Variants in GINS1 observed in about 807,000 individuals in gnomAD.
GINS1 encodes GINS complex subunit 1, also known as DNA replication complex GINS protein PSF1.
In GINS1, 26 loss-of-function variants were observed where a neutral mutation model predicts 34.9. The observed-to-expected ratio is 0.74, with a 90% CI of 0.55 to 1.03. The LOEUF (loss-of-function observed/expected upper bound fraction) is 1.03. GINS1 is among the 50% of genes least tolerant of loss of function. GINS1 has a pLI of 0.00. For synonymous variants in GINS1, 97 were observed against 84.4 expected, an observed-to-expected ratio of 1.15 and a Z score of -0.82; for missense variants, 235 against 237.9, an observed-to-expected ratio of 0.99 and a Z score of 0.08.
At chr20:25,421,537 C>T (rs1007066581) in intron 4 of GINS1, among the ~76,000 whole-genome samples, 2 of 152,016 alleles carry the variant, frequency 1.3e-5, no homozygotes, top group African/African-American at 4.8e-5. Context: ...CTTTTGTTTT[C>T]AAAGTAGTAA....
Position 25,446,029 on chromosome 20 carries a change from T to C in GINS1, c.*38T>C, listed in dbSNP as rs751569555. ...GCACTTCCAGGCTTCACTCAACTCATGGACTCCTCTGTACTCACTCTCTCC... is the reference window on the plus strand; with the variant it reads ...GCACTTCCAGGCTTCACTCAACTCACGGACTCCTCTGTACTCACTCTCTCC... On this transcript the variant is annotated 3_prime_UTR_variant, in exon 7 of 7. Coordinates refer to ENST00000262460, the MANE Select transcript of GINS1 (RefSeq NM_021067.5). 1.5e-5 allele frequency: 18 copies of C among 1,173,616 alleles called. No individual in the cohort carries two copies. Among genetic ancestry groups the C allele is most frequent in the Non-Finnish European group, 2.0e-5 (16 of 785,948 alleles). The allele number at this position is 1,173,616 out of a possible 1,614,324, so 72.7% of individuals were successfully genotyped here. A position where few individuals can be genotyped will look rare whatever the true frequency, so the allele number is the denominator to read the frequency against.
At chr20:25,429,641 T>C (rs1291527609) in intron 5 of GINS1, among the ~76,000 whole-genome samples, 1 of 152,208 alleles carries the variant, frequency 6.6e-6, no homozygotes, top group Admixed American at 6.5e-5. Context: ...TGTATAGAAA[T>C]GCAACTGATT....
intron 5 of GINS1, among the ~76,000 whole-genome samples, chr20:25,425,756 A>T (rs1600931118): frequency 6.6e-6 from 1 of 152,162 alleles, no homozygotes; most frequent in Non-Finnish European, 1.5e-5. Context: ...AAAAAAAGCA[A>T]ATGTCTTTCA....
intron 1 of GINS1, 94 bp from the exon 2 acceptor site, chr20:25,413,694 GTA>G (rs1180071722): frequency 1.2e-5 from 9 of 770,178 alleles, no homozygotes; most frequent in Non-Finnish European, 2.1e-5. Flanking sequence ...TTTTGCTAAA[GTA>G]TATAAATGAA....
In GINS1 at chr20:25,410,858, C is replaced by T. The variant is rs550930685; in HGVS notation, c.76-2932C>T. On this transcript the variant is annotated intron_variant, in intron 1 of 6. Transcript: ENST00000262460. The stretch of plus-strand genomic sequence containing the variant: ...GATTATAGGCGTGAGCCACCGTGCC[C>T]GGCCCAACACACAGGCTTTTCTTCT... Among the ~76,000 whole-genome samples, 25 of 152,266 alleles carry T rather than the reference C, an allele frequency of 1.6e-4. 1 individual carries two copies. The East Asian group carries it at 2.3e-3, about 14-fold the overall frequency.
In GINS1 at chr20:25,413,888, C is replaced by A. The variant is rs182685837; in HGVS notation, c.140+34C>A. ...CATAAGATGATATTCTAAAACAATT[C>A]AATAATTAAGATGTTGAAATTGGCC... On this transcript the variant is annotated intron_variant, in intron 2 of 6. Transcript: ENST00000262460. 6.4e-4 allele frequency: 804 copies of A among 1,254,584 alleles called. 6 individuals are homozygous for A. The African/African-American group carries it at 0.011, about 17-fold the overall frequency. 77.7% of individuals were successfully genotyped at this position (1,254,584 alleles called of 1,614,324 possible). A position where few individuals can be genotyped will look rare whatever the true frequency, so the allele number is the denominator to read the frequency against.
At chr20:25,445,718 G>C (rs2090508486) in intron 6 of GINS1, among the ~76,000 whole-genome samples, 2 of 152,052 alleles carry the variant, frequency 1.3e-5, no homozygotes, top group Admixed American at 1.3e-4. Context: ...CCCGACCTCA[G>C]GTGATCCGCC....
chr20:25,407,837 C>T lies in GINS1; in HGVS notation c.17C>T (p.Ala6Val). 1 of 1,613,894 alleles carries T rather than the reference C, an allele frequency of 6.2e-7. No homozygotes were observed. Among genetic ancestry groups the T allele is most frequent in the African/African-American group, 1.3e-5 (1 of 75,070 alleles). Residue 6 changes from alanine to valine, a missense_variant, in exon 1 of 7, where the codon GCC becomes GTC. By Grantham distance (64) the Ala-to-Val change is moderately conservative. Transcript: ENST00000262460. MFCEK[A>V]MELIRELHRA... ...GCGTCCGCCATGTTCTGCGAAAAAG[C>T]CATGGAACTGATCCGCGAGCTGCAT...
chr20:25,437,514 T>C (rs1225431299), intron 5 of GINS1, among the ~76,000 whole-genome samples: 1 of 152,236 alleles, frequency 6.6e-6, no homozygotes, highest in East Asian at 1.9e-4. Flanking sequence ...TTCAGTAGAC[T>C]CCAGAGTTCC....
chr20:25,425,177 G>C (rs750957723), intron 4 of GINS1, 34 bp from the exon 5 acceptor site: 1 of 919,012 alleles, frequency 1.1e-6, no homozygotes, highest in Admixed American at 1.8e-5. Context: ...AGTTTTCTTA[G>C]AATTTTGTCA....
chr20:25,435,822 T>A (rs2090452068), intron 5 of GINS1, among the ~76,000 whole-genome samples: 1 of 147,030 alleles, frequency 6.8e-6, no homozygotes, highest in African/African-American at 2.5e-5. Context: ...TTTTTTTTTT[T>A]TTTTTTTTGA....
intron 6 of GINS1, among the ~76,000 whole-genome samples, chr20:25,444,848 C>T (rs567841313): frequency 3.3e-5 from 5 of 152,300 alleles, no homozygotes; most frequent in South Asian, 4.1e-4. Context: ...ATAGCACCCA[C>T]GCGGTGGGTC....
chr20:25,443,870 C>T (rs2090496146), intron 6 of GINS1, among the ~76,000 whole-genome samples: 1 of 152,096 alleles, frequency 6.6e-6, no homozygotes, highest in South Asian at 2.1e-4. Context: ...CAATATCAGC[C>T]ACAGTTGATG....
At position 25,425,100 on chromosome 20, in the gene GINS1, A is replaced by T. The variant is rs189553254; in HGVS notation, c.331-111A>T. ...TTAATATTTTAGCATTAATGAATGAATGGTCACAACAGTGATTTGTGTTGG... is the reference window on the plus strand; with the variant it reads ...TTAATATTTTAGCATTAATGAATGATTGGTCACAACAGTGATTTGTGTTGG... On this transcript the variant is annotated intron_variant, in intron 4 of 6. Transcript: ENST00000262460. The T allele has an allele frequency of 1.7e-4, 103 of 589,696 alleles. 1 individual carries two copies. The East Asian group carries it at 2.6e-3, about 15-fold the overall frequency. 36.5% of individuals were successfully genotyped at this position (589,696 alleles called of 1,614,324 possible). A position where few individuals can be genotyped will look rare whatever the true frequency, so the allele number is the denominator to read the frequency against.
At chr20:25,408,262 G>T (rs529075710) in intron 1 of GINS1, among the ~76,000 whole-genome samples, 1 of 152,298 alleles carries the variant, frequency 6.6e-6, no homozygotes, top group Non-Finnish European at 1.5e-5. Context: ...TGGTTCTGTA[G>T]TGTGACTTTG....
intron 4 of GINS1, among the ~76,000 whole-genome samples, chr20:25,420,693 A>C (rs2090349397): frequency 6.6e-6 from 1 of 151,836 alleles, no homozygotes; most frequent in Non-Finnish European, 1.5e-5. Context: ...AGGGCAGGAC[A>C]ATTGCTTGAG....
rs749192744 is a variant in GINS1, at chr20:25,407,795, GGCC to G, written c.-23_-21del. 1.2e-3 allele frequency: 1,873 copies of G among 1,604,364 alleles called. 16 individuals carry two copies. The African/African-American group carries it at 0.022, about 19-fold the overall frequency. Reference sequence around the variant, plus strand: ...TGGCGTGAGAGCTGGTGGTTGGCAAGGCCGCGGGAGTGGGAAGCGTCCGCCATG... The same window carrying G: ...TGGCGTGAGAGCTGGTGGTTGGCAAGGCGGGAGTGGGAAGCGTCCGCCATG... On this transcript the variant is annotated 5_prime_UTR_variant, in exon 1 of 7. Coordinates refer to ENST00000262460, the MANE Select transcript of GINS1 (RefSeq NM_021067.5).
intron 5 of GINS1, among the ~76,000 whole-genome samples, chr20:25,440,747 G>T (rs993764288): frequency 6.7e-6 from 1 of 148,254 alleles, no homozygotes. Flanking sequence ...GGAGGCAGAG[G>T]TTGTAGTGCG....
At position 25,407,803 on chromosome 20, in the gene GINS1, G is replaced by T. The variant is rs762513160; in HGVS notation, c.-18G>T. 1.2e-5 allele frequency: 20 copies of T among 1,610,352 alleles called. No homozygotes were observed. The highest frequency in any genetic ancestry group is 1.4e-5 in the Non-Finnish European group (17 of 1,177,060). On this transcript the variant is annotated 5_prime_UTR_variant, in exon 1 of 7. Coordinates refer to ENST00000262460, the MANE Select transcript of GINS1 (RefSeq NM_021067.5). ...GAGCTGGTGGTTGGCAAGGCCGCGG[G>T]AGTGGGAAGCGTCCGCCATGTTCTG...
Sources: allele counts gnomAD v4.1 joint callset (sites outside exome capture counted in the v4.1 genomes callset), GRCh38; gene constraint gnomAD v4.1.1; transcripts MANE v1.5; gene names NCBI Gene and HGNC (gene_info 2026-07-23, HGNC 2026-07-21).